Variants in CRX observed in about 807,000 individuals in gnomAD.
CRX encodes cone-rod homeobox protein.
CRX carries 5 observed loss-of-function variants against 13.1 expected under a neutral mutation model. The observed-to-expected ratio is 0.38, with a 90% CI of 0.20 to 0.80. The LOEUF is 0.80. Ranked by LOEUF, CRX falls within the 30% of genes least tolerant of loss-of-function variation. The pLI is 0.43. For synonymous variants in CRX, 179 were observed against 171.1 expected, an observed-to-expected ratio of 1.05 and a Z score of -0.36; for missense variants, 351 against 391.8, an observed-to-expected ratio of 0.90 and a Z score of 0.88.
At chr19:47,831,546 T>A (rs541765428) in intron 1 of CRX, among the ~76,000 whole-genome samples, 1 of 151,904 alleles carries the variant, frequency 6.6e-6, no homozygotes, top group Admixed American at 6.6e-5. Context: ...CTTATGAAAA[T>A]CTAAGGCACT....
rs922347972 is a variant in CRX, at chr19:47,828,729, G to C, written c.-35-5680G>C. On this transcript the variant is annotated intron_variant, in intron 1 of 3. Transcript: ENST00000221996. ...TAGCTGGTGAGAGGGGCTTTGGGGT[G>C]GGGGAGAGGCGTTCCTAGCCCAGGA... 5.9e-5 allele frequency among the ~76,000 whole-genome samples: 9 copies of C among 151,774 alleles called. No individual in the cohort carries two copies. In the East Asian group the frequency reaches 1.4e-3, roughly 23 times the overall value.
At position 47,836,207 on chromosome 19, in the gene CRX, G is replaced by T. The variant is rs753898252; in HGVS notation, c.101-36G>T. The T allele has an allele frequency of 8.1e-6, 13 of 1,613,624 alleles. No homozygotes were observed. In the African/African-American group the frequency reaches 1.2e-4, roughly 15 times the overall value. ...TCAGGGCCTCACACCAGCCCATGTGGATGACCTGAGGGTCCTGTTTCCCAT... is the reference window on the plus strand; with the variant it reads ...TCAGGGCCTCACACCAGCCCATGTGTATGACCTGAGGGTCCTGTTTCCCAT... On this transcript the variant is annotated intron_variant, in intron 2 of 3. Coordinates refer to ENST00000221996, the MANE Select transcript of CRX (RefSeq NM_000554.6).
At chr19:47,838,356 C>T (rs1469968307) in intron 3 of CRX, among the ~76,000 whole-genome samples, 4 of 151,776 alleles carry the variant, frequency 2.6e-5, no homozygotes, top group South Asian at 4.2e-4. Context: ...TGAGTGTACG[C>T]ATGTATATAT....
chr19:47,836,473 A>C, intron 3 of CRX, 79 bp downstream of exon 3: 1 of 1,578,966 alleles, frequency 6.3e-7, no homozygotes, highest in Non-Finnish European at 8.7e-7. Flanking sequence ...GAGTGATGGG[A>C]GGAGGGAGAG....
chr19:47,828,941 C>CAA lies in CRX; in HGVS notation c.-35-5467_-35-5466dup, dbSNP rs1555801208. On this transcript the variant is annotated intron_variant, in intron 1 of 3. Coordinates refer to ENST00000221996, the MANE Select transcript of CRX (RefSeq NM_000554.6). ...ACACACACACACACACACACACACA[C>CAA]AATTAAAAAGTAATCCAAACTATAG... is the stretch of plus-strand genomic sequence containing the variant. Among the ~76,000 whole-genome samples, 3 of 122,858 alleles carry CAA rather than the reference C, an allele frequency of 2.4e-5. No homozygotes were observed. In the East Asian group the frequency reaches 7.0e-4, roughly 29 times the overall value. 80.6% of individuals were successfully genotyped at this position (122,858 alleles called of 152,430 possible). A position where few individuals can be genotyped will look rare whatever the true frequency, so the allele number is the denominator to read the frequency against.
intron 1 of CRX, among the ~76,000 whole-genome samples, chr19:47,830,302 T>C (rs974491329): frequency 9.9e-5 from 15 of 151,574 alleles, no homozygotes; most frequent in African/African-American, 2.9e-4. Flanking sequence ...GAGGGAGACC[T>C]TGTCTCTTAA....
In CRX at chr19:47,840,237, G is replaced by A. The variant is rs966679589; in HGVS notation, c.*270G>A. ...TTGTGACCGCTGAAGTACACCACGA[G>A]CTCCAGGCTTCAGAAAGTGGTGCTG... On this transcript the variant is annotated 3_prime_UTR_variant, in exon 4 of 4. Coordinates refer to ENST00000221996, the MANE Select transcript of CRX (RefSeq NM_000554.6). 6.4e-6 allele frequency: 3 copies of A among 471,148 alleles called. No homozygotes were observed. Among genetic ancestry groups the A allele is most frequent in the Admixed American group, 3.6e-5 (1 of 27,948 alleles). The allele number at this position is 471,148 out of a possible 1,614,324, so 29.2% of individuals were successfully genotyped here. A position where few individuals can be genotyped will look rare whatever the true frequency, so the allele number is the denominator to read the frequency against.
At chr19:47,824,071 C>A (rs1967945303) in intron 1 of CRX, among the ~76,000 whole-genome samples, 1 of 152,176 alleles carries the variant, frequency 6.6e-6, no homozygotes, top group Non-Finnish European at 1.5e-5. Flanking sequence ...CACCATGATC[C>A]AGCCAGATGA....
At chr19:47,831,306 CA>C (rs5828320) in intron 1 of CRX, among the ~76,000 whole-genome samples, 20,827 of 78,240 alleles carry the variant, frequency 0.27, 1,882 homozygotes, top group African/African-American at 0.44. Context: ...GACTCTGTCT[CA>C]AAAAAAAAAA....
rs561645402 is a variant in CRX, at chr19:47,840,666, G to C, written c.*699G>C. The C allele has an allele frequency of 6.8e-6, 1 of 147,616 alleles. No individual in the cohort carries two copies. Among genetic ancestry groups the C allele is most frequent in the South Asian group, 2.2e-4 (1 of 4,628 alleles). The allele number at this position is 147,616 out of a possible 1,614,324, so 9.1% of individuals were successfully genotyped here. ...GATCCGCCCGCCTCGGCCTCCCAAA[G>C]TGCTAGGATTACAGGCGTGAGCCAC... On this transcript the variant is annotated 3_prime_UTR_variant, in exon 4 of 4. Coordinates refer to ENST00000221996, the MANE Select transcript of CRX (RefSeq NM_000554.6).
intron 1 of CRX, among the ~76,000 whole-genome samples, chr19:47,826,943 C>G (rs79849690): frequency 0.021 from 3,249 of 152,194 alleles, 56 homozygotes; most frequent in Middle Eastern, 0.034. Flanking sequence ...ACTCTCATAG[C>G]TGTTGGCAGG....
At position 47,834,393 on chromosome 19, in the gene CRX, T is replaced by C. The variant is rs758003066; in HGVS notation, c.-35-16T>C. 23 of 1,373,606 alleles carry C rather than the reference T, an allele frequency of 1.7e-5. No individual in the cohort carries two copies. Among genetic ancestry groups the C allele is most frequent in the Non-Finnish European group, 2.4e-5 (23 of 960,474 alleles). The allele number at this position is 1,373,606 out of a possible 1,614,324, so 85.1% of individuals were successfully genotyped here. A position where few individuals can be genotyped will look rare whatever the true frequency, so the allele number is the denominator to read the frequency against. ...TAACTGGTAAGTGAGTGAGCATCCC[T>C]CCTCTTCTCTTGCAGGCCCCCTGAC... is the stretch of plus-strand genomic sequence containing the variant. On this transcript the variant is annotated splice_polypyrimidine_tract_variant and intron_variant, in intron 1 of 3. Coordinates refer to ENST00000221996, the MANE Select transcript of CRX (RefSeq NM_000554.6).
chr19:47,840,002 G>C lies in CRX; in HGVS notation c.*35G>C, dbSNP rs745339682. 1.3e-5 allele frequency: 21 copies of C among 1,607,752 alleles called. No homozygotes were observed. Among genetic ancestry groups the C allele is most frequent in the Admixed American group, 1.0e-4 (6 of 59,960 alleles). On this transcript the variant is annotated 3_prime_UTR_variant, in exon 4 of 4. Transcript: ENST00000221996. ...TCTCCATCTCTCTCCATCGGGCCTCGGGACCCTTTCTCTTCTGAATCTGCT... is the reference window on the plus strand; with the variant it reads ...TCTCCATCTCTCTCCATCGGGCCTCCGGACCCTTTCTCTTCTGAATCTGCT...
At chr19:47,836,143 A>G in intron 2 of CRX, 100 bp from the exon 3 acceptor site, 1 of 1,461,672 alleles carries the variant, frequency 6.8e-7, no homozygotes, top group South Asian at 1.1e-5. Context: ...GTTTAGGCAG[A>G]TGGCAACCAG....
At chr19:47,834,683 T>G in intron 2 of CRX, 140 bp downstream of exon 2, 1 of 671,460 alleles carries the variant, frequency 1.5e-6, no homozygotes, top group Non-Finnish European at 2.7e-6. Flanking sequence ...TCATCTGAAA[T>G]GTATGTCACT....
chr19:47,832,114 T>TTTTTTTTTTTTG (rs1968056629), intron 1 of CRX, among the ~76,000 whole-genome samples: 1 of 135,648 alleles, frequency 7.4e-6, no homozygotes, highest in African/African-American at 3.0e-5. Context: ...TGTTTTTTTT[T>TTTTTTTTTTTTG]TTTTTTTTTG....
chr19:47,843,323 C>T lies in CRX; in HGVS notation c.*3356C>T, dbSNP rs1294411762. On this transcript the variant is annotated 3_prime_UTR_variant, in exon 4 of 4. Transcript: ENST00000221996. ...TGAAACCAATTAAAATGTTGGATCT[C>T]ATTTAAAGTCTGGGTGATTCTTTAG... The T allele has an allele frequency of 6.6e-6, 1 of 152,184 alleles. No individual in the cohort carries two copies. The highest frequency in any genetic ancestry group is 2.4e-5 in the African/African-American group (1 of 41,424). The allele number at this position is 152,184 out of a possible 1,614,324, so 9.4% of individuals were successfully genotyped here.
At chr19:47,832,850 A>G (rs1396003541) in intron 1 of CRX, among the ~76,000 whole-genome samples, 2 of 152,074 alleles carry the variant, frequency 1.3e-5, no homozygotes, top group African/African-American at 2.4e-5. Flanking sequence ...AAGGTGAATT[A>G]CTAGGACAAA....
intron 2 of CRX, 50 bp from the exon 3 acceptor site, chr19:47,836,193 C>T (rs1968114928): frequency 1.9e-6 from 3 of 1,612,174 alleles, no homozygotes; most frequent in Non-Finnish European, 2.5e-6. Flanking sequence ...CAGGGCCTCA[C>T]ACCAGCCCAT....
Sources: gnomAD v4.1 joint callset for allele counts (sites outside exome capture counted in the v4.1 genomes callset) on GRCh38, gnomAD v4.1.1 for gene constraint, MANE v1.5 for transcripts, NCBI Gene and HGNC (gene_info 2026-07-23, HGNC 2026-07-21) for gene names.